Variants in CABP2 observed in about 807,000 individuals in gnomAD.
CABP2 encodes the protein calcium-binding protein 2.
CABP2 carries 25 observed loss-of-function variants against 28.6 expected under a neutral mutation model. That is an observed-to-expected ratio of 0.87 (90% CI 0.64 to 1.22). The LOEUF (loss-of-function observed/expected upper bound fraction) is 1.22, where lower values mean the gene tolerates loss of function less well. Ranked by LOEUF, CABP2 falls within the 50% of genes most tolerant of loss-of-function variation. The pLI is 0.00. For missense variants in CABP2, 310 were observed against 312.2 expected, an observed-to-expected ratio of 0.99 and a Z score of 0.05; for synonymous variants, 138 against 126.0, an observed-to-expected ratio of 1.09 and a Z score of -0.64.
chr11:67,522,248 T>G (rs573413271), intron 2 of CABP2, among the ~76,000 whole-genome samples: 1 of 152,164 alleles, frequency 6.6e-6, no homozygotes, highest in Non-Finnish European at 1.5e-5. Flanking sequence ...GGGGGCTCCC[T>G]TTGCTGGTGG....
chr11:67,520,379 C>T (rs1349803866), intron 4 of CABP2, among the ~76,000 whole-genome samples: 1 of 152,116 alleles, frequency 6.6e-6, no homozygotes, highest in Non-Finnish European at 1.5e-5. Context: ...CTTATTGGGC[C>T]GGGCACGGTG....
At chr11:67,519,251 G>A in intron 6 of CABP2, 87 bp from the exon 7 acceptor site, 2 of 1,389,304 alleles carry the variant, frequency 1.4e-6, no homozygotes, top group Non-Finnish European at 2.0e-6. Flanking sequence ...GCGGGTGGGA[G>A]TGTGGTTGAG....
Position 67,521,044 on chromosome 11 carries a change from G to A in CABP2, c.360C>T (p.Ile120=), listed in dbSNP as rs1186138685. 8.7e-6 allele frequency: 14 copies of A among 1,613,880 alleles called. No homozygotes were observed. The highest frequency in any genetic ancestry group is 9.3e-6 in the Non-Finnish European group (11 of 1,179,970). The stretch of plus-strand genomic sequence containing the variant: ...ACATACTGATTTGTTGTGAGATCTC[G>A]ATGAGCTCCATCTCGGTGGGCATGT... The part of the protein sequence containing the change: ...LGYMPTEMEL[I]EISQQISGGK... The change falls in exon 4 of 7, where the codon ATC becomes ATT. Residue 120 remains isoleucine (I), a synonymous_variant. Transcript: ENST00000294288.
At chr11:67,523,196 C>T in intron 1 of CABP2, 89 bp downstream of exon 1, 1 of 1,102,640 alleles carries the variant, frequency 9.1e-7, no homozygotes, top group Non-Finnish European at 1.3e-6. Flanking sequence ...CCAACCCCGC[C>T]CGGCCCTCGG....
In CABP2 at chr11:67,522,688, G is replaced by T; in HGVS notation, c.71C>A (p.Pro24Gln). 1 of 1,519,926 alleles carries T rather than the reference G, an allele frequency of 6.6e-7. No homozygotes were observed. Among genetic ancestry groups the T allele is most frequent in the Non-Finnish European group, 8.8e-7 (1 of 1,130,154 alleles). The allele number at this position is 1,519,926 out of a possible 1,614,324, so 94.2% of individuals were successfully genotyped here. A position where few individuals can be genotyped will look rare whatever the true frequency, so the allele number is the denominator to read the frequency against. Residue 24 changes from proline to glutamine, a missense_variant, in exon 2 of 7, where the codon CCA becomes CAA. By Grantham distance (76) the Pro-to-Gln change is moderately conservative. Transcript: ENST00000294288. ...KDPLQWLGSP[P>Q]RGSCPSPSSS... ...GCTGGGGCTGGGGCAGGAGCCCCTT[G>T]GTGGGGAGCCGAGCCACTGCAAGGG...
Position 67,519,122 on chromosome 11 carries a change from C to T in CABP2, c.*17G>A, listed in dbSNP as rs997621806. 6.2e-7 allele frequency: 1 copy of T among 1,613,758 alleles called. No individual in the cohort carries two copies. Among genetic ancestry groups the T allele is most frequent in the South Asian group, 1.1e-5 (1 of 91,056 alleles). On this transcript the variant is annotated 3_prime_UTR_variant, in exon 7 of 7. Coordinates refer to ENST00000294288, the MANE Select transcript of CABP2 (RefSeq NM_016366.3). ...GGTCCTTGAGTCCTTTATGCTGCCT[C>T]CAGCTTCTGTACAGGCTCACCGAGA...
At chr11:67,521,870 G>GGCCCCCCCCACCCCCCCCCCCCCCCC in intron 3 of CABP2, 82 bp downstream of exon 3, 1 of 470,124 alleles carries the variant, frequency 2.1e-6, no homozygotes. Flanking sequence ...CCCACCCGAT[G>GGCCCCCCCCACCCCCCCCCCCCCCCC]CCCCCCCAAC....
At chr11:67,519,599 C>T (rs1294915051) in intron 6 of CABP2, among the ~76,000 whole-genome samples, 194 bp downstream of exon 6, 1 of 152,202 alleles carries the variant, frequency 6.6e-6, no homozygotes, top group Non-Finnish European at 1.5e-5. Flanking sequence ...CTAGGCTTTC[C>T]TGAGAATGGA....
At chr11:67,522,297 G>A (rs944530979) in intron 2 of CABP2, among the ~76,000 whole-genome samples, 2 of 152,028 alleles carry the variant, frequency 1.3e-5, no homozygotes, top group African/African-American at 2.4e-5. Flanking sequence ...ACTTGGTCCC[G>A]CCAGCCTCAA....
At chr11:67,522,368 C>G (rs187322882) in intron 2 of CABP2, among the ~76,000 whole-genome samples, 178 bp downstream of exon 2, 52 of 152,316 alleles carry the variant, frequency 3.4e-4, no homozygotes, top group Non-Finnish European at 5.4e-4. Context: ...TCTGCACCCC[C>G]ACCCCAGATC....
chr11:67,521,590 G>T (rs948792881), intron 3 of CABP2, among the ~76,000 whole-genome samples: 1 of 152,152 alleles, frequency 6.6e-6, no homozygotes, highest in Non-Finnish European at 1.5e-5. Flanking sequence ...ACTAATTGAC[G>T]TTGGTCTCCA....
intron 6 of CABP2, 92 bp downstream of exon 6, chr11:67,519,701 G>C (rs933347605): frequency 7.9e-7 from 1 of 1,265,754 alleles, no homozygotes; most frequent in Admixed American, 1.9e-5. Context: ...GCGTGGCACA[G>C]GGTCTGGTGC....
chr11:67,518,979 A>G lies in CABP2; in HGVS notation c.*160T>C. 1.5e-6 allele frequency: 1 copy of G among 665,026 alleles called. No individual in the cohort carries two copies. Among genetic ancestry groups the G allele is most frequent in the Non-Finnish European group, 2.7e-6 (1 of 373,106 alleles). The allele number at this position is 665,026 out of a possible 1,614,324, so 41.2% of individuals were successfully genotyped here. On this transcript the variant is annotated 3_prime_UTR_variant, in exon 7 of 7. Coordinates refer to ENST00000294288, the MANE Select transcript of CABP2 (RefSeq NM_016366.3). ...ACAAGGCCAGGCGGCTTTATTGGAGAAGTGGTGGTGGGGGTGAAGGCAGGC... is the reference window on the plus strand; with the variant it reads ...ACAAGGCCAGGCGGCTTTATTGGAGGAGTGGTGGTGGGGGTGAAGGCAGGC...
Position 67,519,920 on chromosome 11 carries a change from G to A in CABP2, c.510C>T (p.Gly170=), listed in dbSNP as rs114668091. ...CCCGGAGCTCGCCCACGCTGATGCG[G>A]CCGTCCCCATTGGTGTCGAACTGTG... ...AFREFDTNGD[G]RISVGELRAA... Residue 170 remains glycine (G), a synonymous_variant, in exon 6 of 7, where the codon GGC becomes GGT. Coordinates refer to ENST00000294288, the MANE Select transcript of CABP2 (RefSeq NM_016366.3). 166 of 1,609,714 alleles carry A rather than the reference G, an allele frequency of 1.0e-4. 1 individual carries two copies. In the African/African-American group the frequency reaches 1.9e-3, roughly 19 times the overall value.
Position 67,522,845 on chromosome 11 carries a change from G to T in CABP2, c.43-129C>A, listed in dbSNP as rs532229218. On this transcript the variant is annotated intron_variant, in intron 1 of 6. Coordinates refer to ENST00000294288, the MANE Select transcript of CABP2 (RefSeq NM_016366.3). ...ATGGGACAGTAGGGAAGGGGCTGGG[G>T]GGTAGAGAGAGGACCCTCACCCGTG... The T allele has an allele frequency of 3.8e-5, 32 of 833,138 alleles. No homozygotes were observed. The East Asian group carries it at 8.4e-4, about 22-fold the overall frequency. The allele number at this position is 833,138 out of a possible 1,614,324, so 51.6% of individuals were successfully genotyped here. A position where few individuals can be genotyped will look rare whatever the true frequency, so the allele number is the denominator to read the frequency against.
chr11:67,521,878 AACCC>A, intron 3 of CABP2, 70 bp downstream of exon 3: 1 of 139,666 alleles, frequency 7.2e-6, no homozygotes, highest in Non-Finnish European at 1.3e-5. Flanking sequence ...ATGCCCCCCC[AACCC>A]TGTGTCCCCA....
intron 1 of CABP2, among the ~76,000 whole-genome samples, 180 bp from the exon 2 acceptor site, chr11:67,522,896 C>T (rs1009776577): frequency 3.3e-5 from 5 of 152,238 alleles, no homozygotes; most frequent in African/African-American, 1.2e-4. Flanking sequence ...AAGGGTCAAT[C>T]CTCTAACTGT....
intron 4 of CABP2, among the ~76,000 whole-genome samples, chr11:67,520,420 G>T (rs1279172526): frequency 6.6e-6 from 1 of 152,196 alleles, no homozygotes; most frequent in East Asian, 1.9e-4. Flanking sequence ...CACTTTGGGA[G>T]GCTGAGGCGG....
intron 1 of CABP2, 121 bp downstream of exon 1, chr11:67,523,164 C>T (rs1002980284): frequency 4.1e-5 from 31 of 748,912 alleles, no homozygotes; most frequent in Admixed American, 2.1e-4. Context: ...AAAAAATCTC[C>T]ACCTGGGGCA....
Sources: gnomAD v4.1 joint callset for allele counts (sites outside exome capture counted in the v4.1 genomes callset) on GRCh38, gnomAD v4.1.1 for gene constraint, MANE v1.5 for transcripts, NCBI Gene and HGNC (gene_info 2026-07-23, HGNC 2026-07-21) for gene names.